CDK14: variants seen among roughly 807,000 people sequenced by gnomAD.
CDK14 encodes the protein cyclin-dependent kinase 14.
In CDK14, 34 loss-of-function variants were observed where a neutral mutation model predicts 60.7. That is an observed-to-expected ratio of 0.56 (90% CI 0.43 to 0.75). The LOEUF (loss-of-function observed/expected upper bound fraction) is 0.75, where lower values mean the gene tolerates loss of function less well. CDK14 is among the 30% of genes least tolerant of loss of function. The pLI is 0.00. For synonymous variants in CDK14, 197 were observed against 203.7 expected (o/e 0.97, Z 0.28); for missense variants, 482 against 564.1 (o/e 0.85, Z 1.47).
chr7:90,779,594 A>C (rs1462450277), intron 4 of CDK14, among the ~76,000 whole-genome samples: 1 of 152,194 alleles, frequency 6.6e-6, no homozygotes, highest in African/African-American at 2.4e-5. Flanking sequence ...AAAAGAACTT[A>C]TTATAGAAAA....
chr7:91,058,177 G>A (rs1266499976), intron 11 of CDK14, among the ~76,000 whole-genome samples: 1 of 152,058 alleles, frequency 6.6e-6, no homozygotes, highest in Non-Finnish European at 1.5e-5. Flanking sequence ...AATTGTGAAT[G>A]GGAGTTCACT....
At chr7:90,968,778 G>A (rs544271237) in intron 9 of CDK14, among the ~76,000 whole-genome samples, 2 of 150,526 alleles carry the variant, frequency 1.3e-5, no homozygotes, top group South Asian at 4.3e-4. Context: ...GTTTGTTTTT[G>A]TTGTTTGTTT....
At chr7:90,661,636 T>C (rs1298672285) in intron 2 of CDK14, among the ~76,000 whole-genome samples, 1 of 152,212 alleles carries the variant, frequency 6.6e-6, no homozygotes, top group Admixed American at 6.5e-5. Flanking sequence ...GCCTTGTCAC[T>C]GTAGGTCATC....
intron 1 of CDK14, among the ~76,000 whole-genome samples, chr7:90,602,107 G>T (rs965188250): frequency 6.6e-6 from 1 of 152,076 alleles, no homozygotes; most frequent in African/African-American, 2.4e-5. Flanking sequence ...GCACCTGGTG[G>T]GGTAGTGTCA....
At chr7:90,827,406 A>G (rs1373684275) in intron 5 of CDK14, among the ~76,000 whole-genome samples, 3 of 152,238 alleles carry the variant, frequency 2.0e-5, no homozygotes, top group Non-Finnish European at 4.4e-5. Context: ...TAAAGCAGCT[A>G]TACACATTCA....
intron 2 of CDK14, among the ~76,000 whole-genome samples, chr7:90,700,195 G>A (rs1801751396): frequency 6.6e-6 from 1 of 152,176 alleles, no homozygotes; most frequent in Admixed American, 6.5e-5. Context: ...CCTGGTTCAA[G>A]TGATTCTCCT....
chr7:91,138,511 C>T (rs1438197344), intron 14 of CDK14, among the ~76,000 whole-genome samples: 3 of 152,090 alleles, frequency 2.0e-5, no homozygotes, highest in Non-Finnish European at 4.4e-5. Context: ...TGACATAGTG[C>T]ATTGACAGTC....
At chr7:91,127,232 C>T (rs1224383443) in intron 14 of CDK14, among the ~76,000 whole-genome samples, 1 of 152,110 alleles carries the variant, frequency 6.6e-6, no homozygotes, top group East Asian at 1.9e-4. Context: ...ATGAATGAAG[C>T]GACTTAGCAT....
chr7:91,037,407 G>A (rs777622738), intron 10 of CDK14, among the ~76,000 whole-genome samples: 4 of 152,166 alleles, frequency 2.6e-5, no homozygotes, highest in Non-Finnish European at 5.9e-5. Flanking sequence ...ACGTATGTAT[G>A]TGCATGTGTA....
chr7:91,117,920 C>G (rs1339073658), intron 13 of CDK14, 145 bp from the exon 14 acceptor site: 2 of 505,154 alleles, frequency 4.0e-6, no homozygotes, highest in African/African-American at 3.9e-5. Context: ...CTGCGACCAC[C>G]TGGCATTTCA....
intron 2 of CDK14, among the ~76,000 whole-genome samples, chr7:90,654,848 T>C (rs934682062): frequency 6.6e-6 from 1 of 152,202 alleles, no homozygotes; most frequent in African/African-American, 2.4e-5. Context: ...CTAAAGTTCA[T>C]AGTTTACATT....
intron 2 of CDK14, among the ~76,000 whole-genome samples, chr7:90,634,319 T>C (rs1222273789): frequency 8.2e-6 from 1 of 121,696 alleles, no homozygotes; most frequent in Admixed American, 1.1e-4. Context: ...CAGAGTGTGA[T>C]GTTCCCCTTC....
intron 8 of CDK14, among the ~76,000 whole-genome samples, chr7:90,927,124 A>G (rs6962440): frequency 6.6e-6 from 1 of 152,092 alleles, no homozygotes; most frequent in African/African-American, 2.4e-5. Flanking sequence ...AGAGGTTCAT[A>G]ACCTAGATGA....
intron 5 of CDK14, among the ~76,000 whole-genome samples, chr7:90,858,111 G>T (rs1790887259): frequency 6.6e-6 from 1 of 152,174 alleles, no homozygotes; most frequent in African/African-American, 2.4e-5. Context: ...TAATTATTGA[G>T]ATTTATTAGG....
intron 13 of CDK14, among the ~76,000 whole-genome samples, chr7:91,113,263 A>G (rs778000043): frequency 1.3e-5 from 2 of 152,230 alleles, no homozygotes; most frequent in Admixed American, 6.6e-5. Flanking sequence ...ATTGACATGT[A>G]CAGACTGAAG....
intron 2 of CDK14, among the ~76,000 whole-genome samples, chr7:90,714,409 C>A (rs1802171068): frequency 6.6e-6 from 1 of 152,032 alleles, no homozygotes; most frequent in Non-Finnish European, 1.5e-5. Context: ...ATCTCTCAGG[C>A]AGGATTTGGT....
At chr7:90,897,935 G>C (rs897918502) in intron 6 of CDK14, among the ~76,000 whole-genome samples, 11 of 151,934 alleles carry the variant, frequency 7.2e-5, no homozygotes, top group South Asian at 2.1e-4. Context: ...CTTTGATTTA[G>C]AAGCTAAATC....
intron 6 of CDK14, among the ~76,000 whole-genome samples, chr7:90,873,908 T>A (rs1791461068): frequency 6.6e-6 from 1 of 152,168 alleles, no homozygotes; most frequent in Non-Finnish European, 1.5e-5. Context: ...CCCAGTGTAG[T>A]CATAATTTTG....
chr7:90,755,638 A>AT (rs1238992561), intron 4 of CDK14, among the ~76,000 whole-genome samples: 4 of 152,290 alleles, frequency 2.6e-5, no homozygotes, highest in Middle Eastern at 3.4e-3. Context: ...CTTAAAAAGT[A>AT]TTTTTTTAAG....
Sources: allele counts gnomAD v4.1 joint callset (sites outside exome capture counted in the v4.1 genomes callset), GRCh38; gene constraint gnomAD v4.1.1; transcripts MANE v1.5; gene names NCBI Gene and HGNC (gene_info 2026-07-23, HGNC 2026-07-21).